Variants in PAX8 observed in about 807,000 individuals in gnomAD.
PAX8 encodes the protein paired box 8, also known as paired box protein Pax-8.
Under a neutral mutation model 52.4 loss-of-function variants are expected in PAX8, and 15 were observed. That is an observed-to-expected ratio of 0.29 (90% CI 0.19 to 0.44). The LOEUF is 0.44. Among genes scored for constraint, PAX8 ranks in the 20% least tolerant of loss-of-function variants. PAX8 has a pLI of 1.00. For missense variants in PAX8, 554 were observed against 602.5 expected (o/e 0.92, Z 0.84); for synonymous variants, 284 against 249.7 (o/e 1.14, Z -1.29).
intron 7 of PAX8, chr2:113,237,783 A>G (rs1690489432): frequency 6.6e-6 from 1 of 152,240 alleles, no homozygotes; most frequent in South Asian, 2.1e-4. Flanking sequence ...CACTCGTCAC[A>G]TACCTGCTAC....
chr2:113,251,590 G>A (rs1374766821), intron 2 of PAX8, among the ~76,000 whole-genome samples: 3 of 152,144 alleles, frequency 2.0e-5, no homozygotes, highest in Non-Finnish European at 4.4e-5. Context: ...GTACAGTAAA[G>A]GGATTGGAGC....
chr2:113,255,841 G>A (rs1692207215), intron 2 of PAX8, among the ~76,000 whole-genome samples: 1 of 152,150 alleles, frequency 6.6e-6, no homozygotes, highest in Non-Finnish European at 1.5e-5. Flanking sequence ...AAAACCACGA[G>A]AGACAGCTCA....
At chr2:113,226,270 G>C (rs891181360) in intron 10 of PAX8, 1 of 985,336 alleles carries the variant, frequency 1.0e-6, no homozygotes, top group African/African-American at 1.7e-5. Context: ...CTGGCCTAGG[G>C]CTGGCATGGG....
At chr2:113,259,280 TC>T (rs1393528278) in intron 2 of PAX8, 3 of 152,670 alleles carry the variant, frequency 2.0e-5, no homozygotes, top group African/African-American at 7.2e-5. Flanking sequence ...TGCTTCCCCC[TC>T]TGTGAATGTG....
intron 10 of PAX8, chr2:113,226,669 GTCATCA>G (rs34633676): frequency 6.6e-6 from 7 of 1,057,462 alleles, no homozygotes; most frequent in African/African-American, 3.3e-5. Context: ...CATCGTCATC[GTCATCA>G]TCATCATCAT....
rs751837678 is a variant in PAX8, at chr2:113,246,791, G to A, written c.154C>T (p.Arg52Cys). ...TTGCTGACGCAGCCATGGCTGACGCGGAGCTGGCGAGAGATGTCGCAGGGC... is the reference window on the plus strand; with the variant it reads ...TTGCTGACGCAGCCATGGCTGACGCAGAGCTGGCGAGAGATGTCGCAGGGC... ...VRPCDISRQL[R>C]VSHGCVSKIL... The change falls in exon 3 of 12, where the codon CGC becomes TGC. Residue 52 changes from arginine to cysteine, a missense_variant. Arg to Cys is a radical substitution (Grantham distance 180, BLOSUM62 -3). This residue lies in a region of PAX8 where 109 missense variants were observed against 192.7 expected (regional missense o/e 0.57). Coordinates refer to ENST00000429538, the MANE Select transcript of PAX8 (RefSeq NM_003466.4). The A allele has an allele frequency of 5.0e-6, 8 of 1,613,782 alleles. No homozygotes were observed. Among genetic ancestry groups the A allele is most frequent in the African/African-American group, 4.0e-5 (3 of 74,944 alleles).
At position 113,257,188 on chromosome 2, in the gene PAX8, C is replaced by CTCCTCTCT. The variant is rs1212908530; in HGVS notation, c.26-10270_26-10269insAGAGAGGA. ...ATTTCTCTTCTCTCTCTTCTAAAATCCTTAGTAATGATAAAAGGGCAGGGT... is the reference window on the plus strand; with the variant it reads ...ATTTCTCTTCTCTCTCTTCTAAAATCTCCTCTCTCTTAGTAATGATAAAAGGGCAGGGT... On this transcript the variant is annotated intron_variant, in intron 2 of 11. Coordinates refer to ENST00000429538, the MANE Select transcript of PAX8 (RefSeq NM_003466.4). Among the ~76,000 whole-genome samples, 4 of 152,184 alleles carry CTCCTCTCT rather than the reference C, an allele frequency of 2.6e-5. 1 individual carries two copies. Among genetic ancestry groups the CTCCTCTCT allele is most frequent in the African/African-American group, 7.2e-5 (3 of 41,432 alleles).
chr2:113,276,916 A>G (rs948738770), intron 2 of PAX8, among the ~76,000 whole-genome samples: 1 of 151,754 alleles, frequency 6.6e-6, no homozygotes, highest in Non-Finnish European at 1.5e-5. Context: ...ACTGCACATT[A>G]GGCCTCAGGG....
intron 10 of PAX8, among the ~76,000 whole-genome samples, chr2:113,225,174 C>T (rs1689491891): frequency 1.3e-5 from 2 of 152,212 alleles, no homozygotes; most frequent in Admixed American, 6.5e-5. Flanking sequence ...TAAAGTTATA[C>T]ATATTTGAAT....
intron 9 of PAX8, among the ~76,000 whole-genome samples, chr2:113,232,329 G>A (rs148034867): frequency 6.6e-6 from 1 of 152,322 alleles, no homozygotes; most frequent in Non-Finnish European, 1.5e-5. Flanking sequence ...CTGGACCCCA[G>A]ATCCTCCAAG....
In PAX8 at chr2:113,218,098, G is replaced by A; in HGVS notation, c.*435C>T. 4.2e-6 allele frequency: 1 copy of A among 236,426 alleles called. No homozygotes were observed. The highest frequency in any genetic ancestry group is 8.3e-6 in the Non-Finnish European group (1 of 120,432). 14.6% of individuals were successfully genotyped at this position (236,426 alleles called of 1,614,324 possible). ...CAGGCTGTGACTTGTGGGCTGGAGG[G>A]AAGTGCTTATGGTCCATAATTGCTA... On this transcript the variant is annotated 3_prime_UTR_variant, in exon 12 of 12. Coordinates refer to ENST00000429538, the MANE Select transcript of PAX8 (RefSeq NM_003466.4).
chr2:113,242,927 C>T, intron 4 of PAX8, 149 bp from the exon 5 acceptor site: 1 of 688,966 alleles, frequency 1.5e-6, no homozygotes. Flanking sequence ...TGTGACCCTA[C>T]TCCGCATGCC....
At chr2:113,226,612 C>T (rs1689589318) in intron 10 of PAX8, 1 of 1,060,240 alleles carries the variant, frequency 9.4e-7, no homozygotes, top group Admixed American at 4.7e-5. Flanking sequence ...CGGGTCCTAT[C>T]CATGCAGGCT....
rs969627763 is a variant in PAX8 at position 113,216,766 on chromosome 2, A to G, written c.*1767T>C. On this transcript the variant is annotated 3_prime_UTR_variant, in exon 12 of 12. Coordinates refer to ENST00000429538, the MANE Select transcript of PAX8 (RefSeq NM_003466.4). ...TCCACTGGGTCTAGAACCATTTGGCATCCCTGATGAGGACTCTGGGGTTTT... is the reference window on the plus strand; with the variant it reads ...TCCACTGGGTCTAGAACCATTTGGCGTCCCTGATGAGGACTCTGGGGTTTT... 8.8e-6 allele frequency: 2 copies of G among 227,836 alleles called. No homozygotes were observed. Among genetic ancestry groups the G allele is most frequent in the Non-Finnish European group, 1.7e-5 (2 of 114,612 alleles). 14.1% of individuals were successfully genotyped at this position (227,836 alleles called of 1,614,324 possible).
chr2:113,223,838 C>A (rs1425023197), intron 10 of PAX8, among the ~76,000 whole-genome samples: 2 of 152,142 alleles, frequency 1.3e-5, no homozygotes, highest in East Asian at 1.9e-4. Flanking sequence ...ACTGCTGTAT[C>A]CCCAGCATCC....
At position 113,235,385 on chromosome 2, in the gene PAX8, C is replaced by T. The variant is rs1225175096; in HGVS notation, c.1087+9G>A. ...ATAGCTGCATGGCCCCGGGACCTCC[C>T]TGTCGTACCTGAGAGGAGGGCCTGG... On this transcript the variant is annotated intron_variant, in intron 9 of 11. Coordinates refer to ENST00000429538, the MANE Select transcript of PAX8 (RefSeq NM_003466.4). 3.8e-6 allele frequency: 6 copies of T among 1,563,854 alleles called. No homozygotes were observed. The East Asian group carries it at 1.4e-4, about 37-fold the overall frequency.
chr2:113,222,901 T>C (rs1472763958), intron 10 of PAX8, among the ~76,000 whole-genome samples: 1 of 151,950 alleles, frequency 6.6e-6, no homozygotes, highest in East Asian at 2.0e-4. Flanking sequence ...CCTTTGGGTT[T>C]GTGATGCCCA....
At chr2:113,246,719 C>T (rs780193193) in intron 3 of PAX8, 35 bp downstream of exon 3, 23 of 1,604,812 alleles carry the variant, frequency 1.4e-5, no homozygotes, top group Admixed American at 3.3e-5. Context: ...TCAAGCCCTG[C>T]GGGGAAGGCG....
intron 7 of PAX8, chr2:113,236,990 G>A: frequency 2.0e-6 from 1 of 503,428 alleles, no homozygotes; most frequent in East Asian, 3.3e-5. Context: ...CACCCTGGTT[G>A]GATGGCTGGT....
Sources: gnomAD v4.1 joint callset for allele counts (sites outside exome capture counted in the v4.1 genomes callset) on GRCh38, gnomAD v4.1.1 for gene constraint, gnomAD v4.1.1 regional missense constraint, MANE v1.5 for transcripts, NCBI Gene and HGNC (gene_info 2026-07-23, HGNC 2026-07-21) for gene names.